Variants in HARS2 observed in about 807,000 individuals in gnomAD.
HARS2 encodes histidine--tRNA ligase, mitochondrial.
HARS2 carries 40 observed loss-of-function variants against 62.4 expected under a neutral mutation model. The observed-to-expected ratio is 0.64, with a 90% CI of 0.50 to 0.83. HARS2 has a LOEUF of 0.83. Ranked by LOEUF, HARS2 falls within the 40% of genes least tolerant of loss-of-function variation. The pLI is 0.00. For missense variants in HARS2, 569 were observed against 626.4 expected (o/e 0.91, Z 0.98); for synonymous variants, 228 against 227.0 (o/e 1.00, Z -0.04).
intron 4 of HARS2, among the ~76,000 whole-genome samples, chr5:140,695,137 C>T (rs1192502909): frequency 6.6e-6 from 1 of 152,120 alleles, no homozygotes; most frequent in Admixed American, 6.6e-5. Flanking sequence ...TAGTCCTTTC[C>T]CTGCACTTTC....
Position 140,693,672 on chromosome 5 carries a change from C to A in HARS2, c.183+7C>A. On this transcript the variant is annotated splice_region_variant and intron_variant, in intron 2 of 12. Transcript: ENST00000230771. ...TATTATCAAGACCCCAAAGGTAATA[C>A]TTTTTGCCTACCCTATCCCATTAGA... 1 of 1,609,692 alleles carries A rather than the reference C, an allele frequency of 6.2e-7. No individual in the cohort carries two copies. The highest frequency in any genetic ancestry group is 8.5e-7 in the Non-Finnish European group (1 of 1,175,924).
chr5:140,692,722 G>A (rs1048228503), intron 1 of HARS2, among the ~76,000 whole-genome samples: 1 of 151,898 alleles, frequency 6.6e-6, no homozygotes, highest in Non-Finnish European at 1.5e-5. Flanking sequence ...GCGAAACCCC[G>A]TATCTACTAA....
intron 12 of HARS2, 132 bp from the exon 13 acceptor site, chr5:140,698,361 A>C (rs1322602680): frequency 2.4e-6 from 2 of 823,682 alleles, no homozygotes; most frequent in Non-Finnish European, 4.3e-6. Flanking sequence ...TCTTCAGGTC[A>C]ACCCACACTA....
At position 140,694,046 on chromosome 5, in the gene HARS2, G is replaced by A. The variant is rs762652717; in HGVS notation, c.295G>A (p.Glu99Lys). 1.2e-6 allele frequency: 2 copies of A among 1,614,180 alleles called. No individual in the cohort carries two copies. The highest frequency in any genetic ancestry group is 1.7e-5 in the Admixed American group (1 of 60,020). Residue 99 changes from glutamate (E) to lysine (K), a missense_variant, in exon 3 of 13, where the codon GAG becomes AAG. Physicochemically the swap from Glu to Lys is moderately conservative, Grantham distance 56 (BLOSUM62 1). Coordinates refer to ENST00000230771, the MANE Select transcript of HARS2 (RefSeq NM_012208.4). ...AAAGGGGATGGACACCCCAGCATTTGAGCTGAAGGTAAGGGGAGAAGAAAG... is the reference window on the plus strand; with the variant it reads ...AAAGGGGATGGACACCCCAGCATTTAAGCTGAAGGTAAGGGGAGAAGAAAG... ...GAKGMDTPAF[E>K]LKETLTEKYG... is the part of the protein sequence containing the mutation.
chr5:140,698,850 T>C lies in HARS2; in HGVS notation c.*298T>C, dbSNP rs1299509646. The C allele has an allele frequency of 2.2e-6, 1 of 450,020 alleles. No homozygotes were observed. The highest frequency in any genetic ancestry group is 3.4e-5 in the Admixed American group (1 of 29,162). The allele number at this position is 450,020 out of a possible 1,614,324, so 27.9% of individuals were successfully genotyped here. On this transcript the variant is annotated 3_prime_UTR_variant, in exon 13 of 13. Transcript: ENST00000230771. ...TCAAGAGGTAGTGAGATTGTTGCTGTGAGCAAGGCTCTGGGAGAGTCACCT... is the reference window on the plus strand; with the variant it reads ...TCAAGAGGTAGTGAGATTGTTGCTGCGAGCAAGGCTCTGGGAGAGTCACCT...
At position 140,694,242 on chromosome 5, in the gene HARS2, C is replaced by G. The variant is rs771782336; in HGVS notation, c.361C>G (p.Gln121Glu). 1.2e-5 allele frequency: 19 copies of G among 1,613,444 alleles called. No individual in the cohort carries two copies. The highest frequency in any genetic ancestry group is 1.6e-5 in the Non-Finnish European group (19 of 1,179,426). The change falls in exon 4 of 13, where the codon CAA (glutamine) becomes GAA (glutamate). Residue 121 changes from glutamine (Q) to glutamate (E), a missense_variant. Gln to Glu is a conservative substitution (Grantham distance 29). Transcript: ENST00000230771. ...DSGLMYDLKDQGGELLSLRYD... is the reference protein window; with the variant it reads ...DSGLMYDLKDEGGELLSLRYD... ...TGGGCTCATGTATGATCTGAAGGAT[C>G]AAGGTGGAGAGCTGTTGTCCCTCCG...
At chr5:140,697,839 C>G in intron 11 of HARS2, 93 bp from the exon 12 acceptor site, 1 of 1,413,622 alleles carries the variant, frequency 7.1e-7, no homozygotes, top group Non-Finnish European at 1.0e-6. Context: ...GGCGGACTAG[C>G]CACTTATCTC....
chr5:140,693,591 G>A lies in HARS2; in HGVS notation c.109G>A (p.Val37Ile), dbSNP rs1759625552. 6.2e-7 allele frequency: 1 copy of A among 1,613,800 alleles called. No individual in the cohort carries two copies. Among genetic ancestry groups the A allele is most frequent in the Non-Finnish European group, 8.5e-7 (1 of 1,179,748 alleles). ...CATCTCACATTCATTCTTCTGCCAG[G>A]TTGCAGAGGCAGTGTTAACATCCCA... ...CTGAVRCQSQ[V>I]AEAVLTSQLK... Residue 37 changes from valine to isoleucine, a missense_variant and splice_region_variant, in exon 2 of 13, where the codon GTT (valine) becomes ATT (isoleucine). Val to Ile is a conservative substitution (Grantham distance 29). Transcript: ENST00000230771.
chr5:140,691,658 C>T lies in HARS2; in HGVS notation c.10C>T (p.Leu4Phe). The change falls in exon 1 of 13, where the codon CTC becomes TTC. Residue 4 changes from leucine (L) to phenylalanine (F), a missense_variant. By Grantham distance (22) the Leu-to-Phe change is conservative. Coordinates refer to ENST00000230771, the MANE Select transcript of HARS2 (RefSeq NM_012208.4). Reference protein sequence around the residue: MPLLGLLPRRAWAS... With the variant: MPLFGLLPRRAWAS... ...GGCGTCCTGCCGCGCGATGCCCCTG[C>T]TCGGACTTCTTCCCAGGAGGGCCTG... The T allele has an allele frequency of 4.5e-6, 7 of 1,550,186 alleles. No individual in the cohort carries two copies. The highest frequency in any genetic ancestry group is 6.1e-6 in the Non-Finnish European group (7 of 1,146,242).
In HARS2 at chr5:140,694,026, G is replaced by A. The variant is rs931978218; in HGVS notation, c.275G>A (p.Gly92Glu). The A allele has an allele frequency of 5.6e-6, 9 of 1,614,188 alleles. No individual in the cohort carries two copies. The highest frequency in any genetic ancestry group is 6.8e-6 in the Non-Finnish European group (8 of 1,180,010). ...ISCFKRHGAKGMDTPAFELKE... is the reference protein window; with the variant it reads ...ISCFKRHGAKEMDTPAFELKE... ...TGCTTTAAACGTCATGGAGCAAAGG[G>A]GATGGACACCCCAGCATTTGAGCTG... Residue 92 changes from glycine (G) to glutamate (E), a missense_variant, in exon 3 of 13, where the codon GGG becomes GAG. Coordinates refer to ENST00000230771, the MANE Select transcript of HARS2 (RefSeq NM_012208.4).
In HARS2 at chr5:140,696,147, T is replaced by G. The variant is rs748399183; in HGVS notation, c.678T>G (p.Gly226=). ...TGGATGGGATGTTTGCTGTCTGTGG[T>G]GTTCCTGAAAGCAAGTTCCGTGCCA... ...RIVDGMFAVC[G]VPESKFRAIC... The change falls in exon 7 of 13, where the codon GGT becomes GGG. Residue 226 remains glycine, a synonymous_variant. Coordinates refer to ENST00000230771, the MANE Select transcript of HARS2 (RefSeq NM_012208.4). 1.2e-6 allele frequency: 2 copies of G among 1,614,034 alleles called. No homozygotes were observed. Among genetic ancestry groups the G allele is most frequent in the Non-Finnish European group, 1.7e-6 (2 of 1,179,974 alleles).
At chr5:140,693,758 C>T in intron 2 of HARS2, 93 bp downstream of exon 2, 1 of 1,268,742 alleles carries the variant, frequency 7.9e-7, no homozygotes, top group East Asian at 2.3e-5. Context: ...ATGTTCTTTA[C>T]AGTAAATTTT....
intron 7 of HARS2, 46 bp downstream of exon 7, chr5:140,696,247 C>T (rs1759737677): frequency 7.5e-7 from 1 of 1,327,206 alleles, no homozygotes; most frequent in Admixed American, 1.7e-5. Flanking sequence ...AGCTTCTGCC[C>T]TGCCCTCAAA....
rs1562061824 is a variant in HARS2 at position 140,697,622 on chromosome 5, A to G, written c.1251A>G (p.Pro417=). Residue 417 remains proline (P), a synonymous_variant, in exon 11 of 13, where the codon CCA becomes CCG. Transcript: ENST00000230771. ...TTETQVFVAT[P]QKNFLQERLK... is the part of the protein sequence containing the mutation. ...AGACTCAAGTGTTTGTGGCCACACC[A>G]CAGAAGAACTTTCTCCAAGAACGGT... is the stretch of plus-strand genomic sequence containing the variant. 1 of 1,614,142 alleles carries G rather than the reference A, an allele frequency of 6.2e-7. No individual in the cohort carries two copies. Among genetic ancestry groups the G allele is most frequent in the Non-Finnish European group, 8.5e-7 (1 of 1,179,990 alleles).
chr5:140,698,471 T>A (rs762739880), intron 12 of HARS2, 22 bp from the exon 13 acceptor site: 1 of 1,573,368 alleles, frequency 6.4e-7, no homozygotes, highest in Middle Eastern at 1.7e-4. Context: ...GTTTATCACA[T>A]GAGGATTCTC....
chr5:140,691,508 C>G lies in HARS2; in HGVS notation c.-141C>G. 1.3e-6 allele frequency: 1 copy of G among 745,880 alleles called. No individual in the cohort carries two copies. 46.2% of individuals were successfully genotyped at this position (745,880 alleles called of 1,614,324 possible). On this transcript the variant is annotated 5_prime_UTR_variant, in exon 1 of 13. Transcript: ENST00000230771. ...GAGGATCCCACCTCAGCCTTCGTGA[C>G]TAGTGAGGTGCGCAAACGCCCGAGT...
chr5:140,694,371 T>C, intron 4 of HARS2, 91 bp downstream of exon 4: 6 of 876,890 alleles, frequency 6.8e-6, no homozygotes, highest in Non-Finnish European at 9.8e-6. Context: ...TTTGGGATCT[T>C]AGAGGTCCAT....
chr5:140,693,527 C>T, intron 1 of HARS2, 64 bp from the exon 2 acceptor site: 2 of 1,613,492 alleles, frequency 1.2e-6, no homozygotes, highest in Non-Finnish European at 1.7e-6. Flanking sequence ...TCAACAGGGT[C>T]AGAGATGCCA....
At position 140,696,521 on chromosome 5, in the gene HARS2, A is replaced by C; in HGVS notation, c.733A>C (p.Met245Leu). The C allele has an allele frequency of 6.2e-7, 1 of 1,611,798 alleles. No homozygotes were observed. Among genetic ancestry groups the C allele is most frequent in the Non-Finnish European group, 8.5e-7 (1 of 1,177,848 alleles). Residue 245 changes from methionine (M) to leucine (L), a missense_variant and splice_region_variant, in exon 8 of 13, where the codon ATG becomes CTG. Transcript: ENST00000230771. ...ICSSIDKLDK[M>L]AWKDVRHEMV... ...GGCTAATGTTTGGGTGTTTATGCAG[A>C]TGGCTTGGAAAGATGTGAGACATGA... is the stretch of plus-strand genomic sequence containing the variant.
Sources: allele counts gnomAD v4.1 joint callset (sites outside exome capture counted in the v4.1 genomes callset), GRCh38; gene constraint gnomAD v4.1.1; transcripts MANE v1.5; gene names NCBI Gene and HGNC (gene_info 2026-07-23, HGNC 2026-07-21).